The following FBXL7 variants were observed in gnomAD, a reference collection of about 807,000 sequenced individuals.
The protein encoded by FBXL7 is F-box and leucine rich repeat protein 7.
In FBXL7, 12 loss-of-function variants were observed where a neutral mutation model predicts 38.3. That is an observed-to-expected ratio of 0.31 (90% CI 0.20 to 0.51). The LOEUF (loss-of-function observed/expected upper bound fraction) is 0.51. FBXL7 is among the 20% of genes least tolerant of loss of function. FBXL7 has a pLI of 0.98. For synonymous variants in FBXL7, 297 were observed against 300.9 expected, an observed-to-expected ratio of 0.99 and a Z score of 0.13; for missense variants, 567 against 676.4, an observed-to-expected ratio of 0.84 and a Z score of 1.79.
chr5:15,516,352 C>T (rs1211977460), intron 1 of FBXL7, among the ~76,000 whole-genome samples: 1 of 152,106 alleles, frequency 6.6e-6, no homozygotes, highest in Non-Finnish European at 1.5e-5. Context: ...CTTTGGTTTC[C>T]CTTAGATATG....
At chr5:15,863,375 A>T (rs1167005296) in intron 2 of FBXL7, among the ~76,000 whole-genome samples, 1 of 152,116 alleles carries the variant, frequency 6.6e-6, no homozygotes, top group Non-Finnish European at 1.5e-5. Flanking sequence ...GTCTTTTTTC[A>T]TGTGCTTTTG....
At chr5:15,771,770 ATTTTTTTTT>A (rs35138853) in intron 2 of FBXL7, among the ~76,000 whole-genome samples, 3 of 113,292 alleles carry the variant, frequency 2.6e-5, no homozygotes, top group African/African-American at 9.7e-5. Context: ...GGATTAACAG[ATTTTTTTTT>A]TTTTTTTTTT....
Position 15,937,069 on chromosome 5 carries a change from C to G in FBXL7, c.1359C>G (p.Cys453Trp). Residue 453 changes from cysteine (C) to tryptophan (W), a missense_variant, in exon 4 of 4, where the codon TGC (cysteine) becomes TGG (tryptophan). Coordinates refer to ENST00000504595, the MANE Select transcript of FBXL7 (RefSeq NM_012304.5). ...GCTTGCAGATCGTGGCCGCCAACTG[C>G]TTTGACCTCCAGACGCTGAATGTCC... The part of the protein sequence containing the change: ...GQGLQIVAAN[C>W]FDLQTLNVQD... The G allele has an allele frequency of 6.2e-7, 1 of 1,614,014 alleles. No homozygotes were observed. Among genetic ancestry groups the G allele is most frequent in the Non-Finnish European group, 8.5e-7 (1 of 1,179,894 alleles).
At chr5:15,657,806 C>G (rs747639227) in intron 2 of FBXL7, among the ~76,000 whole-genome samples, 6 of 151,538 alleles carry the variant, frequency 4.0e-5, no homozygotes, top group Non-Finnish European at 8.8e-5. Context: ...GCATTGCACT[C>G]CAGCTTGGGC....
At chr5:15,771,641 A>T (rs147045582) in intron 2 of FBXL7, among the ~76,000 whole-genome samples, 1 of 152,142 alleles carries the variant, frequency 6.6e-6, no homozygotes, top group Non-Finnish European at 1.5e-5. Flanking sequence ...GTGCTACTCA[A>T]TGTAGGTATT....
intron 2 of FBXL7, among the ~76,000 whole-genome samples, chr5:15,707,105 A>G (rs1241825964): frequency 6.6e-6 from 1 of 150,396 alleles, no homozygotes; most frequent in Non-Finnish European, 1.5e-5. Flanking sequence ...TGGGACAAGG[A>G]TATCATCTAT....
At chr5:15,654,289 G>A (rs942908756) in intron 2 of FBXL7, among the ~76,000 whole-genome samples, 4 of 152,004 alleles carry the variant, frequency 2.6e-5, no homozygotes, top group Non-Finnish European at 4.4e-5. Flanking sequence ...CAAATGGTTG[G>A]GTCTTTAATT....
At chr5:15,654,438 A>T (rs1333791574) in intron 2 of FBXL7, among the ~76,000 whole-genome samples, 1 of 151,644 alleles carries the variant, frequency 6.6e-6, no homozygotes, top group Admixed American at 6.6e-5. Context: ...AAAAAGGCAA[A>T]ACTGTTTTTT....
chr5:15,638,604 G>A (rs1465166018), intron 2 of FBXL7, among the ~76,000 whole-genome samples: 6 of 152,004 alleles, frequency 3.9e-5, no homozygotes, highest in Admixed American at 3.9e-4. Context: ...CAAGTTTCTT[G>A]CACATCTCGG....
chr5:15,918,122 C>T (rs766384228), intron 2 of FBXL7, among the ~76,000 whole-genome samples: 1 of 151,992 alleles, frequency 6.6e-6, no homozygotes, highest in African/African-American at 2.4e-5. Flanking sequence ...GCCTATAATC[C>T]CAGCTACTCA....
intron 2 of FBXL7, among the ~76,000 whole-genome samples, chr5:15,620,897 G>A (rs1052153840): frequency 9.2e-5 from 14 of 152,132 alleles, no homozygotes; most frequent in African/African-American, 2.4e-4. Flanking sequence ...CCTCAGCTCC[G>A]ATTTTGTGTT....
At chr5:15,628,323 G>A (rs1313360322) in intron 2 of FBXL7, among the ~76,000 whole-genome samples, 1 of 140,688 alleles carries the variant, frequency 7.1e-6, no homozygotes. Context: ...AAAGAAGAAG[G>A]TGTAGGAGGA....
chr5:15,787,842 A>C (rs1170173856), intron 2 of FBXL7, among the ~76,000 whole-genome samples: 2 of 152,178 alleles, frequency 1.3e-5, no homozygotes, highest in African/African-American at 4.8e-5. Context: ...TGTCTTCATT[A>C]AATGCATCCT....
intron 2 of FBXL7, among the ~76,000 whole-genome samples, chr5:15,631,101 A>G (rs1421591674): frequency 6.6e-6 from 1 of 152,172 alleles, no homozygotes; most frequent in Non-Finnish European, 1.5e-5. Flanking sequence ...TCTTCCTTAA[A>G]TGAATTCAAC....
chr5:15,582,979 T>C (rs529246121), intron 1 of FBXL7, among the ~76,000 whole-genome samples: 1 of 151,660 alleles, frequency 6.6e-6, no homozygotes, highest in South Asian at 2.1e-4. Flanking sequence ...TCTATTTTCA[T>C]ACTGCTATAA....
intron 2 of FBXL7, among the ~76,000 whole-genome samples, chr5:15,828,605 G>A (rs936337256): frequency 6.6e-6 from 1 of 152,160 alleles, no homozygotes; most frequent in Non-Finnish European, 1.5e-5. Flanking sequence ...ACTCTGCACT[G>A]TAGGCTCAGG....
At chr5:15,806,036 A>G (rs1424360026) in intron 2 of FBXL7, among the ~76,000 whole-genome samples, 1 of 152,228 alleles carries the variant, frequency 6.6e-6, no homozygotes, top group African/African-American at 2.4e-5. Flanking sequence ...AAAATTTTAC[A>G]AGTGATAGGG....
intron 2 of FBXL7, among the ~76,000 whole-genome samples, chr5:15,650,726 T>A (rs1179426676): frequency 1.3e-5 from 2 of 152,198 alleles, no homozygotes; most frequent in African/African-American, 4.8e-5. Context: ...TCACCAGGAG[T>A]AAATTCCATG....
chr5:15,636,273 C>T (rs1287025127), intron 2 of FBXL7, among the ~76,000 whole-genome samples: 1 of 152,128 alleles, frequency 6.6e-6, no homozygotes, highest in African/African-American at 2.4e-5. Context: ...TGTGTGCCCT[C>T]AACTCTCCTC....
Sources: gnomAD v4.1 joint callset for allele counts (sites outside exome capture counted in the v4.1 genomes callset) on GRCh38, gnomAD v4.1.1 for gene constraint, MANE v1.5 for transcripts, NCBI Gene and HGNC (gene_info 2026-07-23, HGNC 2026-07-21) for gene names.